SLX4IP: variants seen among roughly 807,000 people sequenced by gnomAD.
The protein encoded by SLX4IP is SLX4 interacting protein, also known as protein SLX4IP.
Under a neutral mutation model 32.9 loss-of-function variants are expected in SLX4IP, and 34 were observed. The observed-to-expected ratio is 1.03, with a 90% CI of 0.79 to 1.38. The LOEUF is 1.38. SLX4IP is among the 40% of genes most tolerant of loss of function. The probability of loss-of-function intolerance (pLI) is 0.00; values close to 1 mark genes in which losing one functional copy is unlikely to be tolerated. For synonymous variants in SLX4IP, 172 were observed against 171.7 expected, an observed-to-expected ratio of 1.00 and a Z score of -0.01; for missense variants, 444 against 479.0, an observed-to-expected ratio of 0.93 and a Z score of 0.68.
At chr20:10,573,980 A>G (rs910795134) in intron 4 of SLX4IP, among the ~76,000 whole-genome samples, 1 of 152,266 alleles carries the variant, frequency 6.6e-6, no homozygotes, top group Non-Finnish European at 1.5e-5. Context: ...GGAATGGGTA[A>G]TTTGTAAAAC....
chr20:10,452,816 A>G (rs1247151684), intron 1 of SLX4IP, among the ~76,000 whole-genome samples: 1 of 151,530 alleles, frequency 6.6e-6, no homozygotes, highest in African/African-American at 2.4e-5. Context: ...GAGCCACTGC[A>G]CTTTAGTCTG....
At chr20:10,564,159 T>C (rs975855323) in intron 4 of SLX4IP, among the ~76,000 whole-genome samples, 1 of 152,182 alleles carries the variant, frequency 6.6e-6, no homozygotes, top group African/African-American at 2.4e-5. Context: ...TATTGTTTAT[T>C]AACAGCATCA....
At chr20:10,486,345 C>CAG (rs73618120) in intron 2 of SLX4IP, among the ~76,000 whole-genome samples, 59,256 of 151,750 alleles carry the variant, frequency 0.39, 11,775 homozygotes, top group Non-Finnish European at 0.43. Flanking sequence ...TTACCATGCA[C>CAG]AGAGTGGTTA....
intron 6 of SLX4IP, among the ~76,000 whole-genome samples, chr20:10,611,602 T>C (rs1200856360): frequency 6.6e-6 from 1 of 152,038 alleles, no homozygotes. Context: ...GTTAGTTCAG[T>C]AGTTTGATTG....
chr20:10,594,944 G>T (rs1175906185), intron 4 of SLX4IP, among the ~76,000 whole-genome samples: 2 of 152,016 alleles, frequency 1.3e-5, no homozygotes, highest in Non-Finnish European at 2.9e-5. Context: ...GAACAACTTA[G>T]GTAAGCCAGA....
At chr20:10,444,321 G>A (rs576129947) in intron 1 of SLX4IP, among the ~76,000 whole-genome samples, 1 of 144,340 alleles carries the variant, frequency 6.9e-6, no homozygotes, top group Non-Finnish European at 1.6e-5. Context: ...CACAGTTCTG[G>A]AGAATGGGAC....
intron 1 of SLX4IP, among the ~76,000 whole-genome samples, chr20:10,441,419 A>G (rs1243274244): frequency 6.6e-6 from 1 of 152,166 alleles, no homozygotes; most frequent in Non-Finnish European, 1.5e-5. Flanking sequence ...CCCGGGCAAC[A>G]GACCGAGACC....
rs1013679413 is a variant in SLX4IP, at chr20:10,444,589, G to C, written c.-30+9136G>C. On this transcript the variant is annotated intron_variant, in intron 1 of 7. Coordinates refer to ENST00000334534, the MANE Select transcript of SLX4IP (RefSeq NM_001009608.3). Reference sequence around the variant, plus strand: ...GGTGGGGTTTCACCATGTTGTTCACGCTGGTCTCGAACTCCTGACCTCGTG... The same window carrying C: ...GGTGGGGTTTCACCATGTTGTTCACCCTGGTCTCGAACTCCTGACCTCGTG... Among the ~76,000 whole-genome samples the C allele has an allele frequency of 3.3e-5, 5 of 152,098 alleles. No homozygotes were observed. In the South Asian group the frequency reaches 1.0e-3, roughly 32 times the overall value.
At chr20:10,573,050 C>G (rs919160339) in intron 4 of SLX4IP, among the ~76,000 whole-genome samples, 1 of 152,172 alleles carries the variant, frequency 6.6e-6, no homozygotes, top group African/African-American at 2.4e-5. Context: ...CCCCAACACC[C>G]GATGCATGAT....
chr20:10,614,230 T>C (rs1394177624), intron 6 of SLX4IP: 20 of 632,706 alleles, frequency 3.2e-5, no homozygotes, highest in Admixed American at 5.7e-5. Flanking sequence ...AAGAAACTCA[T>C]GTACATAACC....
At chr20:10,604,716 G>T (rs2066885395) in intron 6 of SLX4IP, among the ~76,000 whole-genome samples, 1 of 152,256 alleles carries the variant, frequency 6.6e-6, no homozygotes. Flanking sequence ...GGTGCAGGGA[G>T]ATCCTCTGTG....
intron 2 of SLX4IP, among the ~76,000 whole-genome samples, chr20:10,474,625 C>T (rs748311187): frequency 6.6e-5 from 10 of 152,212 alleles, no homozygotes; most frequent in East Asian, 5.8e-4. Flanking sequence ...AGAAGGAAGG[C>T]CAGATGGGCC....
chr20:10,534,463 G>A (rs897384890), intron 2 of SLX4IP, among the ~76,000 whole-genome samples: 2 of 152,176 alleles, frequency 1.3e-5, no homozygotes, highest in Non-Finnish European at 2.9e-5. Flanking sequence ...AGAGGTACAT[G>A]ATGCTGCCTG....
At chr20:10,455,929 C>CTAG (rs1367544035) in intron 1 of SLX4IP, among the ~76,000 whole-genome samples, 1 of 152,062 alleles carries the variant, frequency 6.6e-6, no homozygotes, top group Middle Eastern at 3.4e-3. Context: ...TGTTCTTATG[C>CTAG]TAGTATAGGT....
At chr20:10,555,070 C>A (rs2066253523) in intron 2 of SLX4IP, among the ~76,000 whole-genome samples, 1 of 151,930 alleles carries the variant, frequency 6.6e-6, no homozygotes, top group East Asian at 1.9e-4. Flanking sequence ...GGTGTGTGAT[C>A]CATCTCAAAT....
At chr20:10,597,684 A>G (rs1183031562) in intron 4 of SLX4IP, among the ~76,000 whole-genome samples, 2 of 152,212 alleles carry the variant, frequency 1.3e-5, no homozygotes, top group African/African-American at 4.8e-5. Context: ...GGATATTTGC[A>G]TTGGTTCCAG....
intron 2 of SLX4IP, among the ~76,000 whole-genome samples, chr20:10,468,728 G>A (rs1427687314): frequency 2.0e-5 from 3 of 151,976 alleles, no homozygotes; most frequent in Non-Finnish European, 2.9e-5. Context: ...TTCCCATATT[G>A]ATTTCTCTCT....
In SLX4IP at chr20:10,586,857, TA is replaced by T. The variant is rs376759190; in HGVS notation, c.239-11815del. On this transcript the variant is annotated intron_variant, in intron 4 of 7. Transcript: ENST00000334534. ...ATAAATTGTTAATGTGAGCTAAGAA[TA>T]AATATAAACCCTGAATAGATTATTA... Among the ~76,000 whole-genome samples the T allele has an allele frequency of 1.6e-4, 25 of 152,148 alleles. No individual in the cohort carries two copies. The East Asian group carries it at 4.8e-3, about 29-fold the overall frequency.
At chr20:10,603,160 G>A (rs2066863447) in intron 6 of SLX4IP, among the ~76,000 whole-genome samples, 2 of 152,142 alleles carry the variant, frequency 1.3e-5, no homozygotes, top group South Asian at 4.1e-4. Flanking sequence ...ATTGATCTAT[G>A]GGTTTAAGAA....
Sources: allele counts gnomAD v4.1 joint callset (sites outside exome capture counted in the v4.1 genomes callset), GRCh38; gene constraint gnomAD v4.1.1; transcripts MANE v1.5; gene names NCBI Gene and HGNC (gene_info 2026-07-23, HGNC 2026-07-21).